The following KCNH5 variants were observed in gnomAD, a reference collection of about 807,000 sequenced individuals.
KCNH5 encodes potassium voltage-gated channel subfamily H member 5, also known as voltage-gated delayed rectifier potassium channel KCNH5.
A neutral mutation model predicts 96.1 loss-of-function variants in KCNH5; 46 were observed. That is an observed-to-expected ratio of 0.48 (90% CI 0.38 to 0.61). The LOEUF (loss-of-function observed/expected upper bound fraction) is 0.61. Among genes scored for constraint, KCNH5 ranks in the 20% least tolerant of loss-of-function variants. The pLI is 0.00. For missense variants in KCNH5, 907 were observed against 1,225.8 expected, an observed-to-expected ratio of 0.74 and a Z score of 3.88; for synonymous variants, 439 against 449.8, an observed-to-expected ratio of 0.98 and a Z score of 0.30.
intron 2 of KCNH5, among the ~76,000 whole-genome samples, chr14:63,008,758 G>A (rs1391652803): frequency 6.6e-6 from 1 of 152,094 alleles, no homozygotes; most frequent in African/African-American, 2.4e-5. Context: ...AAAAGCCACT[G>A]TTACTGTCAA....
intron 4 of KCNH5, among the ~76,000 whole-genome samples, chr14:62,996,369 C>T (rs1890905822): frequency 1.3e-5 from 2 of 152,136 alleles, no homozygotes; most frequent in South Asian, 4.1e-4. Flanking sequence ...TCTCAAAAGT[C>T]TATTTAAAAT....
intron 7 of KCNH5, among the ~76,000 whole-genome samples, chr14:62,896,788 A>G (rs1888822574): frequency 6.6e-6 from 1 of 152,210 alleles, no homozygotes; most frequent in Non-Finnish European, 1.5e-5. Flanking sequence ...ACAACTTAAT[A>G]CAATAAATAA....
At chr14:62,727,932 T>C (rs1180112150) in intron 10 of KCNH5, among the ~76,000 whole-genome samples, 1 of 150,692 alleles carries the variant, frequency 6.6e-6, no homozygotes, top group Non-Finnish European at 1.5e-5. Context: ...TGATTTTCCA[T>C]TCTCCTTGCA....
In KCNH5 at chr14:62,802,338, C is replaced by A; in HGVS notation, c.1813G>T (p.Ala605Ser). 2 of 1,613,956 alleles carry A rather than the reference C, an allele frequency of 1.2e-6. No individual in the cohort carries two copies. Among genetic ancestry groups the A allele is most frequent in the Non-Finnish European group, 1.7e-6 (2 of 1,179,862 alleles). ...GGAAAGTTCACAGTACCTAAAATAG[C>A]CACCACCTCATCATCCTGGATGACT... ...LEVIQDDEVVAILGKGDVFGD... is the reference protein window; with the variant it reads ...LEVIQDDEVVSILGKGDVFGD... The change falls in exon 9 of 11, where the codon GCT (alanine) becomes TCT (serine). Residue 605 changes from alanine (A) to serine (S), a missense_variant. By Grantham distance (99) the Ala-to-Ser change is moderately conservative. Coordinates refer to ENST00000322893, the MANE Select transcript of KCNH5 (RefSeq NM_139318.5).
chr14:62,948,013 T>C (rs1313132324), intron 7 of KCNH5, among the ~76,000 whole-genome samples: 2 of 151,442 alleles, frequency 1.3e-5, no homozygotes, highest in African/African-American at 4.9e-5. Context: ...GAGTGTGATG[T>C]TCCCCTTCCT....
chr14:62,953,992 C>T (rs907321684), intron 6 of KCNH5, among the ~76,000 whole-genome samples: 7 of 152,168 alleles, frequency 4.6e-5, no homozygotes, highest in East Asian at 3.8e-4. Flanking sequence ...GTGTGACACG[C>T]GAAGCCCATC....
chr14:62,858,850 T>C (rs1289464248), intron 7 of KCNH5, among the ~76,000 whole-genome samples: 1 of 152,164 alleles, frequency 6.6e-6, no homozygotes, highest in Non-Finnish European at 1.5e-5. Flanking sequence ...CAAAGTATTA[T>C]CACCTAATTG....
intron 10 of KCNH5, among the ~76,000 whole-genome samples, chr14:62,744,907 A>C (rs928064717): frequency 6.6e-6 from 1 of 152,190 alleles, no homozygotes; most frequent in African/African-American, 2.4e-5. Flanking sequence ...TAAATATCAT[A>C]GTTTTCAGAA....
At chr14:62,927,565 A>G (rs1204022382) in intron 7 of KCNH5, among the ~76,000 whole-genome samples, 1 of 152,162 alleles carries the variant, frequency 6.6e-6, no homozygotes, top group Non-Finnish European at 1.5e-5. Flanking sequence ...ACAAAAGGAA[A>G]AATTTGACAT....
intron 6 of KCNH5, among the ~76,000 whole-genome samples, chr14:62,960,159 T>C (rs1451000925): frequency 6.6e-6 from 1 of 152,208 alleles, no homozygotes; most frequent in Admixed American, 6.6e-5. Context: ...GAATGTTCTA[T>C]AATTCTTTCT....
intron 6 of KCNH5, among the ~76,000 whole-genome samples, chr14:62,971,739 G>A (rs1890411870): frequency 6.6e-6 from 1 of 151,744 alleles, no homozygotes; most frequent in Non-Finnish European, 1.5e-5. Flanking sequence ...AAGGCAAAAA[G>A]GCAATGCAAT....
chr14:62,919,014 C>T (rs1291621250), intron 7 of KCNH5, among the ~76,000 whole-genome samples: 1 of 152,040 alleles, frequency 6.6e-6, no homozygotes, highest in East Asian at 1.9e-4. Context: ...TAGCACTATA[C>T]AACCAATCCA....
intron 7 of KCNH5, among the ~76,000 whole-genome samples, chr14:62,929,055 C>G (rs1291224645): frequency 6.6e-6 from 1 of 152,012 alleles, no homozygotes; most frequent in Non-Finnish European, 1.5e-5. Flanking sequence ...TGCAGCGTCT[C>G]AAACTTAACA....
chr14:63,010,634 T>C (rs1891207402), intron 2 of KCNH5, among the ~76,000 whole-genome samples: 1 of 152,214 alleles, frequency 6.6e-6, no homozygotes, highest in Non-Finnish European at 1.5e-5. Flanking sequence ...GTCTAGGCCA[T>C]ACCCAGCTCG....
At chr14:62,972,388 T>C (rs1890425870) in intron 6 of KCNH5, among the ~76,000 whole-genome samples, 2 of 152,356 alleles carry the variant, frequency 1.3e-5, no homozygotes, top group Admixed American at 6.5e-5. Context: ...GAAATTCTCA[T>C]TCATCGCTGA....
intron 10 of KCNH5, among the ~76,000 whole-genome samples, chr14:62,772,636 G>A (rs1189043766): frequency 3.5e-5 from 3 of 84,690 alleles, no homozygotes; most frequent in Admixed American, 1.4e-4. Flanking sequence ...GACTTTGTCT[G>A]AAAAAAAAAA....
At chr14:63,040,354 G>A (rs1891799732) in intron 1 of KCNH5, among the ~76,000 whole-genome samples, 1 of 152,086 alleles carries the variant, frequency 6.6e-6, no homozygotes, top group African/African-American at 2.4e-5. Context: ...CCCTCTATCA[G>A]CAATGTGCTG....
chr14:62,868,215 C>T (rs144749593), intron 7 of KCNH5, among the ~76,000 whole-genome samples: 112 of 152,328 alleles, frequency 7.4e-4, no homozygotes, highest in African/African-American at 2.6e-3. Flanking sequence ...TTTACTCAAG[C>T]CTTCCACATT....
chr14:62,728,337 A>C (rs529953670), intron 10 of KCNH5, among the ~76,000 whole-genome samples: 5 of 151,620 alleles, frequency 3.3e-5, no homozygotes, highest in African/African-American at 1.2e-4. Flanking sequence ...CAGTGAGCCA[A>C]GATCACACCA....
Sources: gnomAD v4.1 joint callset for allele counts (sites outside exome capture counted in the v4.1 genomes callset) on GRCh38, gnomAD v4.1.1 for gene constraint, MANE v1.5 for transcripts, NCBI Gene and HGNC (gene_info 2026-07-23, HGNC 2026-07-21) for gene names.